The following CUX1 variants were observed in gnomAD, a reference collection of about 807,000 sequenced individuals.
The protein encoded by CUX1 is cut like homeobox 1.
A neutral mutation model predicts 158.8 loss-of-function variants in CUX1; 31 were observed. The ratio of observed to expected loss-of-function variants is 0.20; its 90% CI spans 0.15 to 0.26. The LOEUF is 0.26. CUX1 is among the 10% of genes least tolerant of loss of function. The probability of loss-of-function intolerance (pLI) is 1.00; values close to 1 mark genes in which losing one functional copy is unlikely to be tolerated. For synonymous variants in CUX1, 879 were observed against 862.1 expected (o/e 1.02, Z -0.34); for missense variants, 1,589 against 2,014.6 (o/e 0.79, Z 4.04).
At chr7:101,898,015 G>A (rs1027309845) in intron 1 of CUX1, among the ~76,000 whole-genome samples, 2 of 152,192 alleles carry the variant, frequency 1.3e-5, no homozygotes, top group East Asian at 1.9e-4. Flanking sequence ...CCGGTACCCC[G>A]GTGGGCCTTT....
At chr7:102,043,083 A>T (rs1177603125) in intron 3 of CUX1, among the ~76,000 whole-genome samples, 1 of 152,038 alleles carries the variant, frequency 6.6e-6, no homozygotes, top group South Asian at 2.1e-4. Context: ...CCTGATTAGC[A>T]GGGACTGTGG....
chr7:102,252,639 T>G lies in CUX1; in HGVS notation c.*3597T>G. ...CTTGACCCGGAGTTCCGGCCCAAGC[T>G]CCCTTGTGATAGCCGAGATGGCAGG... is the stretch of plus-strand genomic sequence containing the variant. On this transcript the variant is annotated 3_prime_UTR_variant, in exon 24 of 24. Transcript: ENST00000292535. The G allele has an allele frequency of 2.0e-6, 2 of 985,414 alleles. No homozygotes were observed. The highest frequency in any genetic ancestry group is 2.4e-6 in the Non-Finnish European group (2 of 829,952). 61.0% of individuals were successfully genotyped at this position (985,414 alleles called of 1,614,324 possible). A position where few individuals can be genotyped will look rare whatever the true frequency, so the allele number is the denominator to read the frequency against.
At chr7:102,080,230 C>T (rs752678139) in intron 4 of CUX1, among the ~76,000 whole-genome samples, 8 of 152,186 alleles carry the variant, frequency 5.3e-5, no homozygotes, top group Non-Finnish European at 1.2e-4. Context: ...GACTCCTCCT[C>T]GGTGTGCTTG....
At chr7:101,942,210 A>T (rs942811428) in intron 2 of CUX1, among the ~76,000 whole-genome samples, 1 of 152,214 alleles carries the variant, frequency 6.6e-6, no homozygotes, top group Non-Finnish European at 1.5e-5. Flanking sequence ...CAAAGCTAAC[A>T]GGGTGGAGTA....
At chr7:102,237,116 G>A (rs530260723) in intron 22 of CUX1, among the ~76,000 whole-genome samples, 1 of 152,360 alleles carries the variant, frequency 6.6e-6, no homozygotes, top group East Asian at 1.9e-4. Context: ...TCTGGATCCA[G>A]CAGCTTTGAC....
intron 5 of CUX1, among the ~76,000 whole-genome samples, chr7:102,099,619 C>A (rs1829577625): frequency 6.6e-6 from 1 of 152,006 alleles, no homozygotes; most frequent in Admixed American, 6.6e-5. Context: ...AGTGCAGTTG[C>A]ATGATCATAG....
intron 20 of CUX1, among the ~76,000 whole-genome samples, chr7:102,223,095 C>T (rs567654158): frequency 6.6e-5 from 10 of 151,580 alleles, no homozygotes; most frequent in African/African-American, 2.2e-4. Flanking sequence ...TGAGCCACTG[C>T]GCCTGGCCAG....
chr7:101,859,881 CTCTT>C (rs1797251565), intron 1 of CUX1, among the ~76,000 whole-genome samples: 1 of 150,170 alleles, frequency 6.7e-6, no homozygotes, highest in African/African-American at 2.5e-5. Flanking sequence ...TTTCTTTCTT[CTCTT>C]TCTTTCTCTT....
chr7:101,821,664 C>CTTTTTCTTT (rs1792568787), intron 1 of CUX1, among the ~76,000 whole-genome samples: 1 of 71,026 alleles, frequency 1.4e-5, no homozygotes, highest in African/African-American at 5.6e-5. Context: ...TTCTTTTTTT[C>CTTTTTCTTT]TTTTTTCTTT....
At chr7:101,860,203 A>C (rs1172480977) in intron 1 of CUX1, among the ~76,000 whole-genome samples, 1 of 152,150 alleles carries the variant, frequency 6.6e-6, no homozygotes, top group Non-Finnish European at 1.5e-5. Flanking sequence ...GATTCTTAAG[A>C]AAATGTTTTC....
intron 8 of CUX1, among the ~76,000 whole-genome samples, chr7:102,124,228 C>A (rs1832368723): frequency 6.6e-6 from 1 of 152,220 alleles, no homozygotes; most frequent in African/African-American, 2.4e-5. Flanking sequence ...TGACACACCC[C>A]TTCCTGCATC....
chr7:101,853,938 G>A (rs1358385748), intron 1 of CUX1, among the ~76,000 whole-genome samples: 1 of 152,196 alleles, frequency 6.6e-6, no homozygotes, highest in African/African-American at 2.4e-5. Context: ...CACCTGCCCG[G>A]CCTCCAAGTC....
At chr7:102,098,406 G>A (rs1280961126) in intron 5 of CUX1, among the ~76,000 whole-genome samples, 1 of 152,160 alleles carries the variant, frequency 6.6e-6, no homozygotes, top group Non-Finnish European at 1.5e-5. Flanking sequence ...GAGGCCAGAA[G>A]TTCGAGACCA....
chr7:101,861,979 C>T (rs535214107), intron 1 of CUX1, among the ~76,000 whole-genome samples: 18 of 152,076 alleles, frequency 1.2e-4, no homozygotes, highest in African/African-American at 1.9e-4. Flanking sequence ...GGATTACAGG[C>T]GCCTGCCACC....
rs570615259 is a variant in CUX1 at position 102,112,106 on chromosome 7, G to GAA, written c.607+346_607+347dup. ...TGACATTTCATTTGGAACAATAATA[G>GAA]AAAAAAAAAAAAAAACTCACTTCTA... On this transcript the variant is annotated intron_variant, in intron 7 of 23. Transcript: ENST00000292535. The GAA allele has an allele frequency of 2.1e-3, 247 of 119,142 alleles. 2 individuals are homozygous for GAA. Among genetic ancestry groups the GAA allele is most frequent in the Middle Eastern group, 8.8e-3 (2 of 228 alleles). The allele number at this position is 119,142 out of a possible 1,614,324, so 7.4% of individuals were successfully genotyped here.
At chr7:102,028,014 G>A (rs4729769) in intron 2 of CUX1, 84 bp from the exon 3 acceptor site, 501,707 of 1,432,858 alleles carry the variant, frequency 0.35, 103,035 homozygotes, top group East Asian at 0.96. Context: ...TGACTGCCAC[G>A]CTGTTTTTAG....
At chr7:101,864,246 G>A (rs1048791915) in intron 1 of CUX1, among the ~76,000 whole-genome samples, 3 of 148,430 alleles carry the variant, frequency 2.0e-5, no homozygotes, top group African/African-American at 7.5e-5. Flanking sequence ...CTGGATCCTT[G>A]ACCTCCTAGG....
At chr7:102,172,426 C>G (rs1791831520) in intron 10 of CUX1, among the ~76,000 whole-genome samples, 2 of 151,810 alleles carry the variant, frequency 1.3e-5, no homozygotes, top group South Asian at 4.2e-4. Flanking sequence ...TCATGGCTCG[C>G]TGTAGCCTTG....
At chr7:101,937,319 T>G (rs1807061853) in intron 2 of CUX1, among the ~76,000 whole-genome samples, 1 of 152,168 alleles carries the variant, frequency 6.6e-6, no homozygotes, top group Non-Finnish European at 1.5e-5. Context: ...AAAAGCCATC[T>G]CCAGGTCATC....
Sources: allele counts gnomAD v4.1 joint callset (sites outside exome capture counted in the v4.1 genomes callset), GRCh38; gene constraint gnomAD v4.1.1; transcripts MANE v1.5; gene names NCBI Gene and HGNC (gene_info 2026-07-23, HGNC 2026-07-21).